The following CLCA4 variants were observed in gnomAD, a reference collection of about 807,000 sequenced individuals.
CLCA4 encodes chloride channel accessory 4.
In CLCA4, 69 loss-of-function variants were observed where a neutral mutation model predicts 78.9. The observed-to-expected ratio is 0.87, with a 90% CI of 0.72 to 1.07. The LOEUF (loss-of-function observed/expected upper bound fraction) is 1.07. CLCA4 is among the 50% of genes least tolerant of loss of function. The pLI is 0.00. For synonymous variants in CLCA4, 362 were observed against 375.8 expected (o/e 0.96, Z 0.42); for missense variants, 1,133 against 1,095.8 (o/e 1.03, Z -0.48).
chr1:86,564,954 T>A (rs1294979387), intron 4 of CLCA4, among the ~76,000 whole-genome samples: 5 of 151,990 alleles, frequency 3.3e-5, no homozygotes, highest in Non-Finnish European at 5.9e-5. Flanking sequence ...CTTATCCAGG[T>A]CCCTATAGCA....
rs1018750206 is a variant in CLCA4 at position 86,565,828 on chromosome 1, C to A, written c.762C>A (p.Thr254=). 9.7e-6 allele frequency: 15 copies of A among 1,540,018 alleles called. No homozygotes were observed. The highest frequency in any genetic ancestry group is 1.3e-5 in the South Asian group (1 of 77,902). The change falls in exon 6 of 14, where the codon ACC becomes ACA. Residue 254 remains threonine (T), a synonymous_variant. Coordinates refer to ENST00000370563, the MANE Select transcript of CLCA4 (RefSeq NM_012128.4). ...DSVVEFCNEK[T]HNQEAPSLQN... The stretch of plus-strand genomic sequence containing the variant: ...TTGTTGAATTTTGTAACGAAAAAAC[C>A]CATAATCAAGAAGCTCCAAGCCTAC...
intron 3 of CLCA4, among the ~76,000 whole-genome samples, chr1:86,563,391 A>T (rs1430831212): frequency 6.6e-6 from 1 of 151,856 alleles, no homozygotes; most frequent in Non-Finnish European, 1.5e-5. Flanking sequence ...CAAAACACAA[A>T]TCCCAGTCCA....
intron 7 of CLCA4, among the ~76,000 whole-genome samples, chr1:86,569,750 C>G (rs1650293530): frequency 6.6e-6 from 1 of 151,932 alleles, no homozygotes; most frequent in African/African-American, 2.4e-5. Context: ...CCTTGTTCAT[C>G]TCTAGATCTC....
rs2101801855 is a variant in CLCA4, at chr1:86,563,245, T to TATAA, written c.449-415_449-414insTAAA. On this transcript the variant is annotated intron_variant, in intron 3 of 13. Transcript: ENST00000370563. ...TAGTATTGCATTGAATATATATATATAATTAAAAATTGTTTCATATAATTA... is the reference window on the plus strand; with the variant it reads ...TAGTATTGCATTGAATATATATATATATAAAATTAAAAATTGTTTCATATAATTA... 1.3e-5 allele frequency among the ~76,000 whole-genome samples: 2 copies of TATAA among 151,408 alleles called. 1 individual carries two copies. Among genetic ancestry groups the TATAA allele is most frequent in the South Asian group, 4.2e-4 (2 of 4,776 alleles).
chr1:86,559,511 A>G (rs943484460), intron 1 of CLCA4, among the ~76,000 whole-genome samples: 3 of 152,192 alleles, frequency 2.0e-5, no homozygotes, highest in Admixed American at 1.3e-4. Flanking sequence ...TTCCATCTCT[A>G]TGCCAACCAT....
At chr1:86,566,121 CATAA>C (rs1650184154) in intron 6 of CLCA4, 101 bp downstream of exon 6, 3 of 908,902 alleles carry the variant, frequency 3.3e-6, no homozygotes, top group Non-Finnish European at 4.8e-6. Context: ...TGCATGGTGG[CATAA>C]AGTACCATCA....
rs373230738 is a variant in CLCA4 at position 86,560,354 on chromosome 1, A to G, written c.444A>G (p.Pro148=). The G allele has an allele frequency of 6.2e-7, 1 of 1,613,026 alleles. No homozygotes were observed. Among genetic ancestry groups the G allele is most frequent in the Non-Finnish European group, 8.5e-7 (1 of 1,179,728 alleles). The stretch of plus-strand genomic sequence containing the variant: ...GAAAAAAACAAAATGAATATGGACC[A>G]CCAGGTAGAAATTTTGGTTAAAAAA... ...LLGKKQNEYG[P]PGKLFVHEWA... The change falls in exon 3 of 14, where the codon CCA becomes CCG. Residue 148 remains proline, a synonymous_variant. Coordinates refer to ENST00000370563, the MANE Select transcript of CLCA4 (RefSeq NM_012128.4).
intron 7 of CLCA4, among the ~76,000 whole-genome samples, chr1:86,570,751 C>T (rs1553194209): frequency 6.6e-6 from 1 of 152,034 alleles, no homozygotes; most frequent in Non-Finnish European, 1.5e-5. Context: ...ATTAATGTCA[C>T]ATACTGTGAT....
intron 7 of CLCA4, among the ~76,000 whole-genome samples, chr1:86,570,364 C>T (rs1163214879): frequency 6.6e-6 from 1 of 152,004 alleles, no homozygotes; most frequent in Non-Finnish European, 1.5e-5. Flanking sequence ...TAACTTCTCT[C>T]TATACTCTTT....
chr1:86,574,433 T>C, intron 9 of CLCA4, 107 bp from the exon 10 acceptor site: 1 of 785,478 alleles, frequency 1.3e-6, no homozygotes, highest in Non-Finnish European at 2.1e-6. Flanking sequence ...TCTAAGGTGG[T>C]CTGCCATTTA....
At chr1:86,553,952 T>C (rs1307869507) in intron 1 of CLCA4, among the ~76,000 whole-genome samples, 1 of 152,096 alleles carries the variant, frequency 6.6e-6, no homozygotes, top group African/African-American at 2.4e-5. Flanking sequence ...AAAGTTTGTG[T>C]GTCAATGTAT....
chr1:86,548,811 G>T (rs907611236), intron 1 of CLCA4, among the ~76,000 whole-genome samples: 3 of 152,028 alleles, frequency 2.0e-5, no homozygotes, highest in Non-Finnish European at 4.4e-5. Context: ...AAGCAGTGTG[G>T]TGCAGTGAGG....
At position 86,560,267 on chromosome 1, in the gene CLCA4, G is replaced by A. The variant is rs1393905901; in HGVS notation, c.357G>A (p.Lys119=). 6.2e-7 allele frequency: 1 copy of A among 1,613,988 alleles called. No individual in the cohort carries two copies. The highest frequency in any genetic ancestry group is 1.1e-5 in the South Asian group (1 of 91,078). ...CAGGTAGAGATGAACCATACACCAA[G>A]CAGTTCACAGAATGTGGAGAGAAAG... ...TLPGRDEPYT[K]QFTECGEKGE... The change falls in exon 3 of 14, where the codon AAG becomes AAA. Residue 119 remains lysine, a synonymous_variant. Coordinates refer to ENST00000370563, the MANE Select transcript of CLCA4 (RefSeq NM_012128.4).
intron 3 of CLCA4, among the ~76,000 whole-genome samples, chr1:86,561,092 G>T (rs972132278): frequency 1.3e-5 from 2 of 152,156 alleles, no homozygotes; most frequent in African/African-American, 2.4e-5. Context: ...TAAGTCTCTT[G>T]TCTCTGCCAA....
At position 86,557,237 on chromosome 1, in the gene CLCA4, TG is replaced by T. The variant is rs2101795886; in HGVS notation, c.160-2693del. Among the ~76,000 whole-genome samples, 3 of 152,324 alleles carry T rather than the reference TG, an allele frequency of 2.0e-5. 1 individual carries two copies. In the South Asian group the frequency reaches 6.2e-4, roughly 32 times the overall value. On this transcript the variant is annotated intron_variant, in intron 1 of 13. Transcript: ENST00000370563. ...GTTCAGCTCTGATTTTGATTATTTC[TG>T]GTCTTCTGCTAGCTTTGGGGTTGAT...
intron 1 of CLCA4, among the ~76,000 whole-genome samples, chr1:86,559,289 GT>G (rs966010792): frequency 6.6e-5 from 10 of 151,784 alleles, no homozygotes; most frequent in East Asian, 1.9e-4. Context: ...TCTACTATGG[GT>G]TTTTTTTCAT....
Position 86,580,578 on chromosome 1 carries a change from T to C in CLCA4, c.*233T>C. The C allele has an allele frequency of 2.8e-6, 1 of 361,442 alleles. No individual in the cohort carries two copies. The highest frequency in any genetic ancestry group is 4.9e-6 in the Non-Finnish European group (1 of 203,942). The allele number at this position is 361,442 out of a possible 1,614,324, so 22.4% of individuals were successfully genotyped here. On this transcript the variant is annotated 3_prime_UTR_variant, in exon 14 of 14. Coordinates refer to ENST00000370563, the MANE Select transcript of CLCA4 (RefSeq NM_012128.4). ...ATAGTTTCATTTATTTGTTATTTTA[T>C]TTGTAAGAAATAGTGATGAACAAAG...
At chr1:86,561,604 C>G (rs1650021043) in intron 3 of CLCA4, among the ~76,000 whole-genome samples, 1 of 152,178 alleles carries the variant, frequency 6.6e-6, no homozygotes. Flanking sequence ...TCTCCAGGCA[C>G]TCTTCTCAAT....
Position 86,564,682 on chromosome 1 carries a change from T to C in CLCA4, c.558-592T>C, listed in dbSNP as rs368487022. On this transcript the variant is annotated intron_variant, in intron 4 of 13. Coordinates refer to ENST00000370563, the MANE Select transcript of CLCA4 (RefSeq NM_012128.4). ...TCACATCTCAGCATATTTGTTGTAATCACTGCCACCTGTGGTCAATTACAT... is the reference window on the plus strand; with the variant it reads ...TCACATCTCAGCATATTTGTTGTAACCACTGCCACCTGTGGTCAATTACAT... Among the ~76,000 whole-genome samples, 24 of 152,292 alleles carry C rather than the reference T, an allele frequency of 1.6e-4. No individual in the cohort carries two copies. The East Asian group carries it at 4.6e-3, about 29-fold the overall frequency.
Sources: gnomAD v4.1 joint callset for allele counts (sites outside exome capture counted in the v4.1 genomes callset) on GRCh38, gnomAD v4.1.1 for gene constraint, MANE v1.5 for transcripts, NCBI Gene and HGNC (gene_info 2026-07-23, HGNC 2026-07-21) for gene names.